Variants in MYO1D observed in about 807,000 individuals in gnomAD.
MYO1D encodes unconventional myosin-Id.
Under a neutral mutation model 122.0 loss-of-function variants are expected in MYO1D, and 83 were observed. That is an observed-to-expected ratio of 0.68 (90% CI 0.57 to 0.82). MYO1D has a LOEUF of 0.82. Among genes scored for constraint, MYO1D ranks in the 40% least tolerant of loss-of-function variants. The probability of loss-of-function intolerance (pLI) is 0.00; values close to 1 mark genes in which losing one functional copy is unlikely to be tolerated. For synonymous variants in MYO1D, 464 were observed against 446.9 expected (o/e 1.04, Z -0.48); for missense variants, 1,157 against 1,269.5 (o/e 0.91, Z 1.35).
chr17:32,647,100 T>A (rs914427218), intron 19 of MYO1D, among the ~76,000 whole-genome samples: 12 of 152,224 alleles, frequency 7.9e-5, no homozygotes, highest in African/African-American at 2.4e-4. Flanking sequence ...GTGATCTGTC[T>A]ATAGGTTTAG....
At chr17:32,640,912 A>C (rs1417288878) in intron 19 of MYO1D, among the ~76,000 whole-genome samples, 2 of 151,448 alleles carry the variant, frequency 1.3e-5, no homozygotes, top group Non-Finnish European at 2.9e-5. Flanking sequence ...TCCTTTTTAA[A>C]ATTTATTTTA....
chr17:32,848,396 TCAAA>T (rs780725508), intron 1 of MYO1D, among the ~76,000 whole-genome samples: 1 of 152,220 alleles, frequency 6.6e-6, no homozygotes, highest in East Asian at 1.9e-4. Flanking sequence ...AAGGCAAATG[TCAAA>T]CAATTGATGA....
intron 21 of MYO1D, among the ~76,000 whole-genome samples, chr17:32,592,024 T>G (rs144787269): frequency 4.6e-4 from 70 of 152,350 alleles, no homozygotes; most frequent in African/African-American, 1.6e-3. Flanking sequence ...CATGTTTGTT[T>G]TGATGAACTT....
intron 1 of MYO1D, among the ~76,000 whole-genome samples, chr17:32,782,571 G>A (rs2090249699): frequency 6.6e-6 from 1 of 152,168 alleles, no homozygotes; most frequent in Non-Finnish European, 1.5e-5. Context: ...TAACATTTTT[G>A]TTTTATAAAC....
At chr17:32,554,232 A>G (rs565806038) in intron 21 of MYO1D, among the ~76,000 whole-genome samples, 1 of 151,746 alleles carries the variant, frequency 6.6e-6, no homozygotes, top group South Asian at 2.1e-4. Flanking sequence ...CCTGAGGTTG[A>G]GAATCACTGC....
chr17:32,623,409 C>G (rs2087878861), intron 20 of MYO1D, among the ~76,000 whole-genome samples: 2 of 152,092 alleles, frequency 1.3e-5, no homozygotes, highest in South Asian at 4.1e-4. Context: ...CAGTATAGGC[C>G]ACCTCCCAGT....
At chr17:32,872,359 A>G (rs9894496) in intron 1 of MYO1D, among the ~76,000 whole-genome samples, 5,637 of 150,918 alleles carry the variant, frequency 0.037, 360 homozygotes, top group African/African-American at 0.13. Context: ...TGCCAGCTCC[A>G]CCTCCCAGGT....
intron 20 of MYO1D, among the ~76,000 whole-genome samples, chr17:32,605,878 C>T (rs934178468): frequency 1.3e-5 from 2 of 151,592 alleles, no homozygotes; most frequent in African/African-American, 4.9e-5. Context: ...CTCAGGAGTT[C>T]GAGACCAGCC....
intron 19 of MYO1D, among the ~76,000 whole-genome samples, chr17:32,652,042 T>C (rs1322072219): frequency 2.6e-5 from 4 of 152,198 alleles, no homozygotes; most frequent in Non-Finnish European, 5.9e-5. Context: ...CCTATTGATA[T>C]ATATTCACAT....
chr17:32,869,096 G>A (rs2091156367), intron 1 of MYO1D, among the ~76,000 whole-genome samples: 1 of 151,682 alleles, frequency 6.6e-6, no homozygotes, highest in Admixed American at 6.6e-5. Context: ...GTACGTGCCT[G>A]TAATCCCAGC....
At chr17:32,557,881 T>C (rs1282886437) in intron 21 of MYO1D, among the ~76,000 whole-genome samples, 1 of 152,042 alleles carries the variant, frequency 6.6e-6, no homozygotes, top group African/African-American at 2.4e-5. Flanking sequence ...GCCACGCTCA[T>C]TCATTTATGT....
At chr17:32,867,258 G>A (rs1400846279) in intron 1 of MYO1D, among the ~76,000 whole-genome samples, 2 of 150,676 alleles carry the variant, frequency 1.3e-5, no homozygotes, top group Non-Finnish European at 3.0e-5. Flanking sequence ...CCCAGGAGGC[G>A]GAAGTTGCAG....
intron 13 of MYO1D, among the ~76,000 whole-genome samples, chr17:32,741,244 A>G (rs765073876): frequency 1.3e-5 from 2 of 151,544 alleles, no homozygotes; most frequent in African/African-American, 4.9e-5. Flanking sequence ...AAAAAAAAGA[A>G]AAGAAAAATC....
At chr17:32,511,118 A>G (rs1214979756) in intron 21 of MYO1D, among the ~76,000 whole-genome samples, 1 of 152,076 alleles carries the variant, frequency 6.6e-6, no homozygotes, top group Non-Finnish European at 1.5e-5. Flanking sequence ...TGGAGCCTTG[A>G]GACCCTCCCA....
rs2087195764 is a variant in MYO1D, at chr17:32,568,660, T to C, written c.2864+36427A>G. Among the ~76,000 whole-genome samples, 3 of 152,204 alleles carry C rather than the reference T, an allele frequency of 2.0e-5. No homozygotes were observed. In the South Asian group the frequency reaches 6.2e-4, roughly 32 times the overall value. On this transcript the variant is annotated intron_variant, in intron 21 of 21. Coordinates refer to ENST00000318217, the MANE Select transcript of MYO1D (RefSeq NM_015194.3). ...AACCTTGGGAAACTGGGATCTGTGG[T>C]CACCTCACATGGAATAGAAGGTCCT...
chr17:32,764,649 T>A (rs1484190597), intron 8 of MYO1D, among the ~76,000 whole-genome samples: 1 of 152,186 alleles, frequency 6.6e-6, no homozygotes, highest in African/African-American at 2.4e-5. Context: ...CGTGAAGCCC[T>A]CATGAGCGCC....
chr17:32,797,559 T>C (rs1038525632), intron 1 of MYO1D, among the ~76,000 whole-genome samples: 3 of 152,248 alleles, frequency 2.0e-5, no homozygotes, highest in East Asian at 1.9e-4. Context: ...ATAATTGTTC[T>C]ATTTTATTAT....
chr17:32,564,891 C>G (rs531567759), intron 21 of MYO1D, among the ~76,000 whole-genome samples: 1 of 152,360 alleles, frequency 6.6e-6, no homozygotes, highest in African/African-American at 2.4e-5. Flanking sequence ...ATTCTAGAAA[C>G]AGCATACCCC....
At chr17:32,792,111 GT>G (rs1360611666) in intron 1 of MYO1D, among the ~76,000 whole-genome samples, 4 of 152,170 alleles carry the variant, frequency 2.6e-5, no homozygotes, top group African/African-American at 9.7e-5. Context: ...TGGACATTTA[GT>G]TTTGTTACTA....
Sources: gnomAD v4.1 joint callset for allele counts (sites outside exome capture counted in the v4.1 genomes callset) on GRCh38, gnomAD v4.1.1 for gene constraint, MANE v1.5 for transcripts, NCBI Gene and HGNC (gene_info 2026-07-23, HGNC 2026-07-21) for gene names.